Variants in ATL2 observed in about 807,000 individuals in gnomAD.
ATL2 encodes the protein atlastin GTPase 2, also known as atlastin-2.
ATL2 carries 31 observed loss-of-function variants against 73.9 expected under a neutral mutation model. That is an observed-to-expected ratio of 0.42 (90% CI 0.32 to 0.57). The LOEUF (loss-of-function observed/expected upper bound fraction) is 0.57. ATL2 is among the 20% of genes least tolerant of loss of function. ATL2 has a pLI of 0.14. For synonymous variants in ATL2, 291 were observed against 237.5 expected (o/e 1.23, Z -2.07); for missense variants, 738 against 702.6 (o/e 1.05, Z -0.57).
chr2:38,316,651 A>ATC (rs1254428905), intron 4 of ATL2, among the ~76,000 whole-genome samples: 5 of 152,148 alleles, frequency 3.3e-5, no homozygotes, highest in Non-Finnish European at 4.4e-5. Flanking sequence ...CATATGCATT[A>ATC]TCTCATTTAG....
intron 1 of ATL2, among the ~76,000 whole-genome samples, chr2:38,360,837 G>A (rs1038962407): frequency 1.3e-5 from 2 of 151,808 alleles, no homozygotes; most frequent in Non-Finnish European, 2.9e-5. Flanking sequence ...ATATTTTTTA[G>A]GTAAGTTGTT....
intron 6 of ATL2, among the ~76,000 whole-genome samples, chr2:38,314,223 G>C (rs1291762302): frequency 6.6e-6 from 1 of 151,938 alleles, no homozygotes; most frequent in Non-Finnish European, 1.5e-5. Context: ...AAAATAAAGA[G>C]TAACAGAACT....
At chr2:38,336,002 C>A (rs1486528864) in intron 2 of ATL2, among the ~76,000 whole-genome samples, 1 of 152,070 alleles carries the variant, frequency 6.6e-6, no homozygotes, top group Non-Finnish European at 1.5e-5. Context: ...GGCGCCACAG[C>A]GAGACTCTGT....
intron 1 of ATL2, among the ~76,000 whole-genome samples, chr2:38,351,018 A>T (rs1320227133): frequency 6.6e-6 from 1 of 152,262 alleles, no homozygotes; most frequent in Non-Finnish European, 1.5e-5. Flanking sequence ...AACTAAACTT[A>T]TAAAAAGAGA....
intron 1 of ATL2, chr2:38,358,319 G>T (rs1356223401): frequency 6.5e-6 from 1 of 152,686 alleles, no homozygotes; most frequent in East Asian, 1.9e-4. Flanking sequence ...ACCACTCCAG[G>T]GTTGCTATCA....
At chr2:38,364,089 C>A (rs960573750) in intron 1 of ATL2, among the ~76,000 whole-genome samples, 20 of 152,104 alleles carry the variant, frequency 1.3e-4, no homozygotes, top group African/African-American at 4.6e-4. Context: ...TGGTGAAACC[C>A]TGTCTCTACT....
At chr2:38,304,089 C>T (rs1025515317) in intron 9 of ATL2, among the ~76,000 whole-genome samples, 1 of 152,072 alleles carries the variant, frequency 6.6e-6, no homozygotes, top group Admixed American at 6.6e-5. Context: ...CACAGCAAGG[C>T]CCCATTTCTA....
At chr2:38,376,343 G>A (rs1671965320) in intron 1 of ATL2, 2 of 988,322 alleles carry the variant, frequency 2.0e-6, no homozygotes, top group Admixed American at 6.2e-5. Context: ...ACGTACAGTA[G>A]GAGCTCACAT....
intron 9 of ATL2, among the ~76,000 whole-genome samples, 189 bp downstream of exon 9, chr2:38,309,190 G>C (rs1667610081): frequency 6.6e-6 from 1 of 152,080 alleles, no homozygotes; most frequent in South Asian, 2.1e-4. Flanking sequence ...CTGTCTAGGA[G>C]ACAGAAATCT....
At chr2:38,331,279 T>C (rs1406046152) in intron 2 of ATL2, among the ~76,000 whole-genome samples, 1 of 151,448 alleles carries the variant, frequency 6.6e-6, no homozygotes, top group East Asian at 1.9e-4. Context: ...CTACTAAAAA[T>C]ACAAAAAGTA....
At chr2:38,296,646 A>G in intron 12 of ATL2, 1 of 1,595,186 alleles carries the variant, frequency 6.3e-7, no homozygotes, top group Non-Finnish European at 8.6e-7. Context: ...GAAGCTAAAG[A>G]GTTTAAGACT....
chr2:38,359,363 G>C (rs992974898), intron 1 of ATL2, among the ~76,000 whole-genome samples: 2 of 151,840 alleles, frequency 1.3e-5, no homozygotes, highest in Non-Finnish European at 2.9e-5. Flanking sequence ...CCAGCTATTT[G>C]GGAGGCTGAG....
chr2:38,361,047 T>C (rs1670984713), intron 1 of ATL2, among the ~76,000 whole-genome samples: 1 of 151,202 alleles, frequency 6.6e-6, no homozygotes, highest in Non-Finnish European at 1.5e-5. Flanking sequence ...CACACCAACG[T>C]GGAATGAAAA....
chr2:38,374,752 T>C (rs894637768), intron 1 of ATL2, among the ~76,000 whole-genome samples: 7 of 152,256 alleles, frequency 4.6e-5, no homozygotes, highest in African/African-American at 1.7e-4. Context: ...TCTTAGCAGC[T>C]AGCTGCCTAA....
rs199969462 is a variant in ATL2 at position 38,353,043 on chromosome 2, TA to T, written c.119-9532del. Among the ~76,000 whole-genome samples the T allele has an allele frequency of 5.0e-3, 754 of 152,232 alleles. 7 individuals are homozygous for T. Among genetic ancestry groups the T allele is most frequent in the African/African-American group, 0.017 (721 of 41,536 alleles). Reference sequence around the variant, plus strand: ...TGCATAACATTTAATATACAGTATATAAATCAGAAATTACTAGACATACAAA... The same window carrying T: ...TGCATAACATTTAATATACAGTATATAATCAGAAATTACTAGACATACAAA... On this transcript the variant is annotated intron_variant, in intron 1 of 12. Transcript: ENST00000378954.
At chr2:38,368,972 C>T (rs1002052047) in intron 1 of ATL2, among the ~76,000 whole-genome samples, 1 of 152,126 alleles carries the variant, frequency 6.6e-6, no homozygotes, top group Non-Finnish European at 1.5e-5. Context: ...TATCACTATT[C>T]CAACATCAAC....
chr2:38,368,180 C>A (rs1006502373), intron 1 of ATL2, among the ~76,000 whole-genome samples: 1 of 151,792 alleles, frequency 6.6e-6, no homozygotes, highest in African/African-American at 2.4e-5. Context: ...ATGATCCACC[C>A]ACCTCAGCCT....
At chr2:38,354,444 A>G (rs893275705) in intron 1 of ATL2, among the ~76,000 whole-genome samples, 1 of 152,236 alleles carries the variant, frequency 6.6e-6, no homozygotes, top group African/African-American at 2.4e-5. Context: ...GTTATGAGGC[A>G]AAGTAAATGA....
intron 7 of ATL2, among the ~76,000 whole-genome samples, chr2:38,311,214 G>C (rs185397416): frequency 2.8e-4 from 43 of 151,984 alleles, no homozygotes; most frequent in African/African-American, 9.7e-4. Context: ...GCAGTACAAA[G>C]ACCTTAGAAA....
Sources: allele counts gnomAD v4.1 joint callset (sites outside exome capture counted in the v4.1 genomes callset), GRCh38; gene constraint gnomAD v4.1.1; transcripts MANE v1.5; gene names NCBI Gene and HGNC (gene_info 2026-07-23, HGNC 2026-07-21).